The following CDIN1 variants were observed in gnomAD, a reference collection of about 807,000 sequenced individuals.
The protein encoded by CDIN1 is CDAN1 interacting nuclease 1.
Under a neutral mutation model 45.3 loss-of-function variants are expected in CDIN1, and 33 were observed. The ratio of observed to expected loss-of-function variants is 0.73; its 90% CI spans 0.55 to 0.97. CDIN1 has a LOEUF of 0.97. Ranked by LOEUF, CDIN1 falls within the 50% of genes least tolerant of loss-of-function variation. CDIN1 has a pLI of 0.00. For missense variants in CDIN1, 303 were observed against 339.4 expected (o/e 0.89, Z 0.84); for synonymous variants, 118 against 124.4 (o/e 0.95, Z 0.34).
chr15:36,664,441 T>C (rs1463805971), intron 5 of CDIN1, among the ~76,000 whole-genome samples: 1 of 152,252 alleles, frequency 6.6e-6, no homozygotes, highest in African/African-American at 2.4e-5. Flanking sequence ...TTTGTATACC[T>C]ACATATTTCA....
chr15:36,672,432 A>G (rs1383472778), intron 5 of CDIN1, among the ~76,000 whole-genome samples: 5 of 152,106 alleles, frequency 3.3e-5, no homozygotes, highest in Non-Finnish European at 5.9e-5. Context: ...AGCCAAAAAC[A>G]GACAAAATCC....
Position 36,644,855 on chromosome 15 carries a change from G to A in CDIN1, c.148-368G>A, listed in dbSNP as rs568529618. 2.6e-5 allele frequency among the ~76,000 whole-genome samples: 4 copies of A among 152,280 alleles called. No individual in the cohort carries two copies. The South Asian group carries it at 6.2e-4, about 24-fold the overall frequency. On this transcript the variant is annotated intron_variant, in intron 2 of 10. Coordinates refer to ENST00000566621, the MANE Select transcript of CDIN1 (RefSeq NM_001321759.2). The stretch of plus-strand genomic sequence containing the variant: ...TTGGATTGTAAAACTAGAGTGCAGA[G>A]GACTTAGATGGAATTGAATCGAGGG...
intron 10 of CDIN1, among the ~76,000 whole-genome samples, chr15:36,791,171 C>G (rs1478974519): frequency 1.3e-5 from 2 of 151,934 alleles, no homozygotes; most frequent in Non-Finnish European, 2.9e-5. Context: ...ATCATTCAGC[C>G]CATCTTACAT....
chr15:36,703,319 TAC>T (rs1349789833), intron 8 of CDIN1, among the ~76,000 whole-genome samples: 13 of 133,926 alleles, frequency 9.7e-5, no homozygotes, highest in African/African-American at 2.7e-4. Flanking sequence ...ATCAGATATA[TAC>T]ATATATCAGA....
At position 36,768,959 on chromosome 15, in the gene CDIN1, A is replaced by G. The variant is rs142272866; in HGVS notation, c.717-39365A>G. 2.5e-3 allele frequency among the ~76,000 whole-genome samples: 387 copies of G among 152,254 alleles called. 1 individual carries two copies. The highest frequency in any genetic ancestry group is 8.4e-3 in the African/African-American group (348 of 41,544). ...AATTATGTTATGGGGCTATCATGAA[A>G]TGTAGAGAGAACTGGCCTGAGATCT... On this transcript the variant is annotated intron_variant, in intron 10 of 10. Transcript: ENST00000566621.
At chr15:36,716,978 G>A (rs535023170) in intron 10 of CDIN1, among the ~76,000 whole-genome samples, 2 of 152,158 alleles carry the variant, frequency 1.3e-5, no homozygotes, top group South Asian at 2.1e-4. Context: ...CTACTCCACC[G>A]GCAGCTTCAT....
chr15:36,627,103 G>T, intron 1 of CDIN1: 1 of 180,182 alleles, frequency 5.5e-6, no homozygotes. Context: ...CCAGTTCCTT[G>T]TAGTACACGA....
At chr15:36,802,834 C>T (rs1469094890) in intron 10 of CDIN1, among the ~76,000 whole-genome samples, 2 of 152,152 alleles carry the variant, frequency 1.3e-5, no homozygotes, top group African/African-American at 4.8e-5. Context: ...CAGGGCTTAT[C>T]TGAGGATAGC....
chr15:36,709,720 T>C (rs1043843765), intron 9 of CDIN1, 136 bp from the exon 10 acceptor site: 2 of 616,510 alleles, frequency 3.2e-6, no homozygotes, highest in African/African-American at 3.7e-5. Flanking sequence ...TGTGTTGTTT[T>C]GTAATTACAT....
intron 10 of CDIN1, among the ~76,000 whole-genome samples, chr15:36,740,706 C>T (rs1364413238): frequency 3.9e-5 from 6 of 152,000 alleles, no homozygotes; most frequent in Admixed American, 6.6e-5. Flanking sequence ...CTGACCAACA[C>T]GGAGAAACCC....
chr15:36,704,245 AG>A (rs780152949), intron 8 of CDIN1: 3 of 152,138 alleles, frequency 2.0e-5, no homozygotes, highest in South Asian at 4.1e-4. Context: ...TAAAGACATA[AG>A]CAAAGGACAA....
intron 10 of CDIN1, among the ~76,000 whole-genome samples, chr15:36,806,784 A>G (rs1489030482): frequency 6.6e-6 from 1 of 152,202 alleles, no homozygotes; most frequent in Non-Finnish European, 1.5e-5. Flanking sequence ...TTTGTGATTA[A>G]AAGTTACTAA....
chr15:36,639,330 G>A (rs1186112772), intron 1 of CDIN1, among the ~76,000 whole-genome samples: 1 of 151,768 alleles, frequency 6.6e-6, no homozygotes, highest in African/African-American at 2.4e-5. Flanking sequence ...ACCAGGCCCA[G>A]CGTGGTGGCT....
chr15:36,664,873 A>C (rs553948786), intron 5 of CDIN1, among the ~76,000 whole-genome samples: 141 of 152,308 alleles, frequency 9.3e-4, no homozygotes, highest in Non-Finnish European at 1.9e-3. Flanking sequence ...AGAGGGAAAT[A>C]TTATTTCCTT....
intron 10 of CDIN1, among the ~76,000 whole-genome samples, chr15:36,783,115 C>T (rs1435865875): frequency 6.6e-6 from 1 of 152,180 alleles, no homozygotes; most frequent in Non-Finnish European, 1.5e-5. Flanking sequence ...CAGCTGCATA[C>T]AGTTTTTATT....
intron 8 of CDIN1, among the ~76,000 whole-genome samples, chr15:36,703,805 C>T (rs2042764156): frequency 4.6e-5 from 7 of 152,122 alleles, no homozygotes; most frequent in Admixed American, 4.6e-4. Flanking sequence ...GGTTCGGCGA[C>T]ACATGGAGCT....
At chr15:36,779,158 A>C (rs1414506745) in intron 10 of CDIN1, among the ~76,000 whole-genome samples, 23 of 152,202 alleles carry the variant, frequency 1.5e-4, no homozygotes, top group Admixed American at 1.4e-3. Context: ...TCCCTGCATT[A>C]AAATCCTTCT....
chr15:36,647,054 C>T (rs2040362724), intron 3 of CDIN1, among the ~76,000 whole-genome samples: 1 of 128,044 alleles, frequency 7.8e-6, no homozygotes, highest in Admixed American at 9.1e-5. Flanking sequence ...GACAGTGTCT[C>T]TCTCTGTCAC....
chr15:36,753,489 C>T (rs576563783), intron 10 of CDIN1, among the ~76,000 whole-genome samples: 1 of 152,122 alleles, frequency 6.6e-6, no homozygotes, highest in South Asian at 2.1e-4. Context: ...GAATTAGTAT[C>T]CTATTCCTGA....
Sources: allele counts gnomAD v4.1 joint callset (sites outside exome capture counted in the v4.1 genomes callset), GRCh38; gene constraint gnomAD v4.1.1; transcripts MANE v1.5; gene names NCBI Gene and HGNC (gene_info 2026-07-23, HGNC 2026-07-21).